RCOR3: variants seen among roughly 807,000 people sequenced by gnomAD.
RCOR3 encodes the protein REST corepressor 3.
RCOR3 carries 13 observed loss-of-function variants against 64.1 expected under a neutral mutation model. The ratio of observed to expected loss-of-function variants is 0.20; its 90% CI spans 0.13 to 0.32. The LOEUF is 0.32. Among genes scored for constraint, RCOR3 ranks in the 10% least tolerant of loss-of-function variants. The pLI is 1.00. For synonymous variants in RCOR3, 215 were observed against 239.0 expected (o/e 0.90, Z 0.93); for missense variants, 489 against 701.2 (o/e 0.70, Z 3.42).
Position 211,289,334 on chromosome 1 carries a change from C to G in RCOR3, c.877C>G (p.Pro293Ala), listed in dbSNP as rs779000091. 2 of 1,613,970 alleles carry G rather than the reference C, an allele frequency of 1.2e-6. No homozygotes were observed. The highest frequency in any genetic ancestry group is 1.7e-6 in the Non-Finnish European group (2 of 1,180,020). The change falls in exon 8 of 12, where the codon CCC becomes GCC. Residue 293 changes from proline to alanine, a missense_variant. By Grantham distance (27) the Pro-to-Ala change is conservative (BLOSUM62 -1). Transcript: ENST00000419091. ...QEDVVAVSCS[P>A]NAANTILRQL... ...AGATGTGGTAGCAGTTTCCTGTAGT[C>G]CCAATGCAGCCAACACCATCCTGAG... is the stretch of plus-strand genomic sequence containing the variant.
chr1:211,314,421 T>C lies in RCOR3; in HGVS notation c.*653T>C, dbSNP rs1181793573. The stretch of plus-strand genomic sequence containing the variant: ...AGCAATTATATAAAACCACAAAGAA[T>C]GTACTGAACCTACTAACCCTTTAAC... On this transcript the variant is annotated 3_prime_UTR_variant, in exon 12 of 12. Transcript: ENST00000419091. The C allele has an allele frequency of 2.6e-5, 4 of 152,210 alleles. No individual in the cohort carries two copies. The highest frequency in any genetic ancestry group is 9.7e-5 in the African/African-American group (4 of 41,426). The allele number at this position is 152,210 out of a possible 1,614,324, so 9.4% of individuals were successfully genotyped here.
intron 7 of RCOR3, among the ~76,000 whole-genome samples, chr1:211,285,235 G>A (rs1379517558): frequency 6.6e-6 from 1 of 152,090 alleles, no homozygotes; most frequent in Non-Finnish European, 1.5e-5. Flanking sequence ...GATATGATAG[G>A]GAACATTTTT....
chr1:211,308,062 T>C (rs1701042033), intron 10 of RCOR3, among the ~76,000 whole-genome samples: 1 of 152,150 alleles, frequency 6.6e-6, no homozygotes, highest in South Asian at 2.1e-4. Flanking sequence ...GGCAGTTGAT[T>C]AAAAATAAAA....
Position 211,259,632 on chromosome 1 carries a change from C to A in RCOR3, c.72C>A (p.Ser24Arg). ...KNRSANGSAK[S>R]PAGGGGSGAS... is the part of the protein sequence containing the mutation. ...GATCGGCCAACGGCAGCGCCAAGAG[C>A]CCGGCAGGCGGCGGCGGCAGCGGCG... Residue 24 changes from serine (S) to arginine (R), a missense_variant, in exon 1 of 12, where the codon AGC (serine) becomes AGA (arginine). Transcript: ENST00000419091. 6.5e-7 allele frequency: 1 copy of A among 1,547,556 alleles called. No individual in the cohort carries two copies. The highest frequency in any genetic ancestry group is 8.7e-7 in the Non-Finnish European group (1 of 1,145,600).
rs969377391 is a variant in RCOR3 at position 211,316,353 on chromosome 1, T to C, written c.*2585T>C. 2.6e-5 allele frequency: 4 copies of C among 152,138 alleles called. No homozygotes were observed. The highest frequency in any genetic ancestry group is 1.3e-4 in the Admixed American group (2 of 15,284). 9.4% of individuals were successfully genotyped at this position (152,138 alleles called of 1,614,324 possible). A position where few individuals can be genotyped will look rare whatever the true frequency, so the allele number is the denominator to read the frequency against. ...TTAATAAGCTTGCAATTGAGTAAAATAGAATATAAAATAAAGGTGAAATAA... is the reference window on the plus strand; with the variant it reads ...TTAATAAGCTTGCAATTGAGTAAAACAGAATATAAAATAAAGGTGAAATAA... On this transcript the variant is annotated 3_prime_UTR_variant, in exon 12 of 12. Transcript: ENST00000419091.
intron 9 of RCOR3, 93 bp from the exon 10 acceptor site, chr1:211,303,990 T>A (rs943819660): frequency 1.5e-6 from 1 of 678,946 alleles, no homozygotes; most frequent in African/African-American, 1.8e-5. Flanking sequence ...AGTAATCTCA[T>A]GTCTGTGATT....
intron 8 of RCOR3, among the ~76,000 whole-genome samples, chr1:211,293,669 A>T (rs895058319): frequency 1.3e-5 from 2 of 152,142 alleles, no homozygotes; most frequent in African/African-American, 4.8e-5. Context: ...ATGTTTACTT[A>T]TCTCCCCACT....
Position 211,313,874 on chromosome 1 carries a change from C to A in RCOR3, c.*106C>A, listed in dbSNP as rs1701728266. 6.5e-6 allele frequency: 7 copies of A among 1,075,678 alleles called. No homozygotes were observed. The highest frequency in any genetic ancestry group is 6.4e-5 in the South Asian group (4 of 62,338). 66.6% of individuals were successfully genotyped at this position (1,075,678 alleles called of 1,614,324 possible). ...GAATAATCATTTCTAGATACTGAGG[C>A]TGCGAACTAGTTCTGTGGCAGTGGA... On this transcript the variant is annotated 3_prime_UTR_variant, in exon 12 of 12. Coordinates refer to ENST00000419091, the MANE Select transcript of RCOR3 (RefSeq NM_001136223.3). The surrounding 1 kb of genome is among the most constrained non-coding windows in gnomAD (Gnocchi z 4.7).
At chr1:211,269,578 CAA>C (rs756725888) in intron 2 of RCOR3, among the ~76,000 whole-genome samples, 4 of 151,732 alleles carry the variant, frequency 2.6e-5, no homozygotes, top group South Asian at 2.1e-4. Context: ...GCCTGGGCAA[CAA>C]GAGTGAAACT....
At chr1:211,288,556 T>C (rs1698850611) in intron 7 of RCOR3, among the ~76,000 whole-genome samples, 1 of 147,080 alleles carries the variant, frequency 6.8e-6, no homozygotes, top group African/African-American at 2.5e-5. Flanking sequence ...TTTATAAATA[T>C]TTTATTTATA....
intron 2 of RCOR3, among the ~76,000 whole-genome samples, chr1:211,261,775 G>C (rs976652332): frequency 6.6e-6 from 1 of 151,554 alleles, no homozygotes; most frequent in Admixed American, 6.6e-5. Context: ...CAAAAAATTA[G>C]CCGATCGTGG....
intron 10 of RCOR3, among the ~76,000 whole-genome samples, chr1:211,308,684 GTTTT>G (rs71585833): frequency 1.2e-4 from 5 of 42,038 alleles, no homozygotes; most frequent in East Asian, 6.2e-4. Context: ...TTTTTTTTTT[GTTTT>G]TTTTTTTTTT....
chr1:211,293,320 C>T (rs1207640486), intron 8 of RCOR3, among the ~76,000 whole-genome samples: 2 of 152,102 alleles, frequency 1.3e-5, no homozygotes, highest in Non-Finnish European at 2.9e-5. Flanking sequence ...CATATATGGT[C>T]ATTTTGTTCC....
At position 211,280,563 on chromosome 1, in the gene RCOR3, A is replaced by G. The variant is rs115581943; in HGVS notation, c.720+1247A>G. 9.1e-3 allele frequency among the ~76,000 whole-genome samples: 1,379 copies of G among 152,140 alleles called. 15 individuals carry two copies. The highest frequency in any genetic ancestry group is 0.032 in the African/African-American group (1,309 of 41,502). On this transcript the variant is annotated intron_variant, in intron 7 of 11. Coordinates refer to ENST00000419091, the MANE Select transcript of RCOR3 (RefSeq NM_001136223.3). ...AGGATCTTCTTTCTTTTCCTATACA[A>G]TTTCATTGCTTGTGTGATCCTATCC...
At chr1:211,283,646 T>TTTTGA (rs1189639446) in intron 7 of RCOR3, among the ~76,000 whole-genome samples, 2 of 152,098 alleles carry the variant, frequency 1.3e-5, no homozygotes, top group African/African-American at 4.8e-5. Context: ...TCGTGGAGGT[T>TTTTGA]TTTGTTTTGT....
chr1:211,289,424 G>A (rs948813708), intron 8 of RCOR3, 28 bp downstream of exon 8: 2 of 1,535,882 alleles, frequency 1.3e-6, no homozygotes, highest in Admixed American at 1.8e-5. Context: ...TATTTTTAAT[G>A]ATTCTGTGCA....
rs544354042 is a variant in RCOR3, at chr1:211,289,212, T to C, written c.755T>C (p.Ile252Thr). 25 of 1,614,128 alleles carry C rather than the reference T, an allele frequency of 1.5e-5. No individual in the cohort carries two copies. In the East Asian group the frequency reaches 1.6e-4, roughly 10 times the overall value. Reference protein sequence around the residue: ...NTEQPVQTSKIGLGRREYQSL... With the variant: ...NTEQPVQTSKTGLGRREYQSL... Reference sequence around the variant, plus strand: ...GAACAACCTGTCCAAACTAGCAAGATTGGACTTGGAAGAAGAGAGTATCAG... The same window carrying C: ...GAACAACCTGTCCAAACTAGCAAGACTGGACTTGGAAGAAGAGAGTATCAG... Residue 252 changes from isoleucine to threonine, a missense_variant, in exon 8 of 12, where the codon ATT becomes ACT. Around this residue, in one of 2 missense-constraint regions of RCOR3, gnomAD observed 402 missense variants for 617.0 expected, o/e 0.65. Coordinates refer to ENST00000419091, the MANE Select transcript of RCOR3 (RefSeq NM_001136223.3).
chr1:211,306,932 C>T (rs188428319), intron 10 of RCOR3, among the ~76,000 whole-genome samples: 4 of 152,078 alleles, frequency 2.6e-5, no homozygotes, highest in African/African-American at 9.7e-5. Context: ...ATTAATACTG[C>T]TAATTTAATC....
intron 5 of RCOR3, among the ~76,000 whole-genome samples, chr1:211,277,904 C>T (rs1419112240): frequency 6.6e-6 from 1 of 152,132 alleles, no homozygotes; most frequent in East Asian, 1.9e-4. Flanking sequence ...CTCTTCCCCT[C>T]CTCTCCCAGA....
Sources: allele counts gnomAD v4.1 joint callset (sites outside exome capture counted in the v4.1 genomes callset), GRCh38; gene constraint gnomAD v4.1.1; regional missense constraint gnomAD v4.1.1; non-coding constraint Gnocchi (gnomAD v3.1); transcripts MANE v1.5; gene names NCBI Gene and HGNC (gene_info 2026-07-23, HGNC 2026-07-21).